FHIP1B: variants seen among roughly 807,000 people sequenced by gnomAD.
FHIP1B encodes the protein FHF complex subunit HOOK interacting protein 1B.
In FHIP1B, 28 loss-of-function variants were observed where a neutral mutation model predicts 82.2. The ratio of observed to expected loss-of-function variants is 0.34; its 90% CI spans 0.25 to 0.47. FHIP1B has a LOEUF of 0.47. FHIP1B is among the 20% of genes least tolerant of loss of function. The probability of loss-of-function intolerance (pLI) is 1.00; values close to 1 mark genes in which losing one functional copy is unlikely to be tolerated. For missense variants in FHIP1B, 1,110 were observed against 1,262.6 expected, an observed-to-expected ratio of 0.88 and a Z score of 1.83; for synonymous variants, 585 against 516.1, an observed-to-expected ratio of 1.13 and a Z score of -1.81.
At position 6,224,592 on chromosome 11, in the gene FHIP1B, T is replaced by A; in HGVS notation, c.-76A>T. 6.8e-7 allele frequency: 1 copy of A among 1,473,244 alleles called. No individual in the cohort carries two copies. Among genetic ancestry groups the A allele is most frequent in the Non-Finnish European group, 9.1e-7 (1 of 1,097,246 alleles). The allele number at this position is 1,473,244 out of a possible 1,614,324, so 91.3% of individuals were successfully genotyped here. ...GCCAGCTGGAGGTTTTCTCCACTTG[T>A]GTCTCCAGTCTGCTTCATCCGGTCT... is the stretch of plus-strand genomic sequence containing the variant. On this transcript the variant is annotated 5_prime_UTR_variant, in exon 2 of 12. Transcript: ENST00000449352.
At chr11:6,228,258 G>T (rs1298497136) in intron 1 of FHIP1B, among the ~76,000 whole-genome samples, 1 of 152,130 alleles carries the variant, frequency 6.6e-6, no homozygotes, top group African/African-American at 2.4e-5. Context: ...GCTAAGGCAG[G>T]AGAATCGCTT....
chr11:6,229,820 A>C (rs1017639207), intron 1 of FHIP1B, among the ~76,000 whole-genome samples: 4 of 152,150 alleles, frequency 2.6e-5, no homozygotes, highest in Non-Finnish European at 5.9e-5. Context: ...CCAATACTTA[A>C]ACTGGGCCCT....
chr11:6,231,901 C>T (rs569914530), intron 1 of FHIP1B, among the ~76,000 whole-genome samples: 2 of 152,196 alleles, frequency 1.3e-5, no homozygotes, highest in Non-Finnish European at 2.9e-5. Flanking sequence ...CCCTTGAGAG[C>T]TCGGATGACC....
chr11:6,222,882 C>A lies in FHIP1B; in HGVS notation c.952G>T (p.Val318Leu). Residue 318 changes from valine to leucine, a missense_variant, in exon 5 of 12, where the codon GTG becomes TTG. Val to Leu is a conservative substitution (Grantham distance 32). Transcript: ENST00000449352. ...NAVIQVAHPLVQKQLVDYIHN... is the reference protein window; with the variant it reads ...NAVIQVAHPLLQKQLVDYIHN... ...ATATAATCAACCAACTGCTTCTGCA[C>A]CAGGGGGTGAGCCACCTGTAGGAGT... 1 of 1,614,106 alleles carries A rather than the reference C, an allele frequency of 6.2e-7. No individual in the cohort carries two copies.
intron 9 of FHIP1B, among the ~76,000 whole-genome samples, chr11:6,216,368 G>A (rs1847226446): frequency 6.6e-6 from 1 of 152,234 alleles, no homozygotes. Context: ...AATCTGCTAT[G>A]TACCCAGAGA....
rs780536778 is a variant in FHIP1B, at chr11:6,211,505, G to A, written c.*1C>T. The A allele has an allele frequency of 1.3e-6, 2 of 1,582,006 alleles. No individual in the cohort carries two copies. The highest frequency in any genetic ancestry group is 1.7e-6 in the Non-Finnish European group (2 of 1,166,942). ...TGGCCCTGATTGTCCATGGAAGAAAGTTAAGGATTGAGGGGCCCACAGCCT... is the reference window on the plus strand; with the variant it reads ...TGGCCCTGATTGTCCATGGAAGAAAATTAAGGATTGAGGGGCCCACAGCCT... On this transcript the variant is annotated 3_prime_UTR_variant, in exon 12 of 12. Transcript: ENST00000449352.
Position 6,214,483 on chromosome 11 carries a change from T to G in FHIP1B, c.2485A>C (p.Ile829Leu). 1 of 1,614,182 alleles carries G rather than the reference T, an allele frequency of 6.2e-7. No homozygotes were observed. The highest frequency in any genetic ancestry group is 8.5e-7 in the Non-Finnish European group (1 of 1,180,034). The change falls in exon 11 of 12, where the codon ATT (isoleucine) becomes CTT (leucine). Residue 829 changes from isoleucine (I) to leucine (L), a missense_variant. Coordinates refer to ENST00000449352, the MANE Select transcript of FHIP1B (RefSeq NM_001098794.2). The part of the protein sequence containing the change: ...ALLSKAKKYL[I>L]ARGKLDWAEG... ...GCCCAGTCCAACTTGCCACGGGCAA[T>G]GAGGTACTTCTTGGCTTTGGACAGC...
chr11:6,218,925 T>C, intron 7 of FHIP1B, 46 bp downstream of exon 7: 1 of 1,603,544 alleles, frequency 6.2e-7, no homozygotes, highest in Non-Finnish European at 8.5e-7. Context: ...CATAAGACTC[T>C]GAGGCTTCAG....
At position 6,223,747 on chromosome 11, in the gene FHIP1B, A is replaced by G; in HGVS notation, c.640T>C (p.Ser214Pro). Reference protein sequence around the residue: ...PGAAPRLLLFSRLVPFVHREG... With the variant: ...PGAAPRLLLFPRLVPFVHREG... ...CGATGCACAAAAGGGACAAGGCGAG[A>G]AAAGAGAAGAAGACGGGGAGCGGCT... Residue 214 changes from serine to proline, a missense_variant, in exon 3 of 12, where the codon TCT becomes CCT. Around this residue, in one of 6 missense-constraint regions of FHIP1B, gnomAD observed 467 missense variants for 602.9 expected, o/e 0.77. Transcript: ENST00000449352. This position sits in a 1 kb window ranked among gnomAD's most constrained non-coding sequence, Gnocchi z 4.8. 2 of 1,614,226 alleles carry G rather than the reference A, an allele frequency of 1.2e-6. No individual in the cohort carries two copies. Among genetic ancestry groups the G allele is most frequent in the Non-Finnish European group, 1.7e-6 (2 of 1,180,034 alleles).
At chr11:6,216,689 T>G in intron 9 of FHIP1B, 1 of 207,450 alleles carries the variant, frequency 4.8e-6, no homozygotes, top group East Asian at 1.2e-4. Flanking sequence ...AGAGTCCAAA[T>G]GAACTCAGTC....
intron 9 of FHIP1B, chr11:6,217,150 T>G (rs760800796): frequency 2.8e-6 from 2 of 704,146 alleles, no homozygotes; most frequent in African/African-American, 3.5e-5. Flanking sequence ...GGCTCAGATG[T>G]AAGTCAATAC....
At chr11:6,211,912 C>T in intron 11 of FHIP1B, 45 bp from the exon 12 acceptor site, 1 of 1,511,384 alleles carries the variant, frequency 6.6e-7, no homozygotes, top group Non-Finnish European at 8.8e-7. Flanking sequence ...GATCAGGGAA[C>T]CTCCCTTGGA....
chr11:6,214,739 C>T lies in FHIP1B; in HGVS notation c.2388G>A (p.Leu796=). The T allele has an allele frequency of 6.3e-7, 1 of 1,575,972 alleles. No individual in the cohort carries two copies. The highest frequency in any genetic ancestry group is 8.6e-7 in the Non-Finnish European group (1 of 1,157,758). ...GCATGCATGCATCGCACACCTGCAG[C>T]AGGGACTTGACACTGGGCTGGAAGA... ...NMVFQPSVKS[L]LQVLGSVKNK... Residue 796 remains leucine, a synonymous_variant, in exon 10 of 12, where the codon CTG becomes CTA. Coordinates refer to ENST00000449352, the MANE Select transcript of FHIP1B (RefSeq NM_001098794.2).
intron 1 of FHIP1B, among the ~76,000 whole-genome samples, chr11:6,230,441 A>G (rs1292728376): frequency 6.6e-6 from 1 of 152,236 alleles, no homozygotes; most frequent in Non-Finnish European, 1.5e-5. Context: ...TCATAGAAAT[A>G]CAAAGGGAAA....
chr11:6,218,921 ACT>A, intron 7 of FHIP1B, 48 bp downstream of exon 7: 23 of 1,598,750 alleles, frequency 1.4e-5, no homozygotes, highest in Non-Finnish European at 1.9e-5. Context: ...AATGCATAAG[ACT>A]CTGAGGCTTC....
rs769146374 is a variant in FHIP1B at position 6,224,360 on chromosome 11, T to A, written c.138+19A>T. 4.3e-6 allele frequency: 7 copies of A among 1,614,102 alleles called. No homozygotes were observed. The African/African-American group carries it at 9.3e-5, about 22-fold the overall frequency. ...TCAGGTGATCAGCAGACAAGGCCCTTTGCCATACAGTCTCCTACCTGGGAC... is the reference window on the plus strand; with the variant it reads ...TCAGGTGATCAGCAGACAAGGCCCTATGCCATACAGTCTCCTACCTGGGAC... On this transcript the variant is annotated intron_variant, in intron 2 of 11. Transcript: ENST00000449352.
Position 6,217,699 on chromosome 11 carries a change from G to A in FHIP1B, c.1887C>T (p.His629=), listed in dbSNP as rs1157769101. The A allele has an allele frequency of 1.2e-6, 2 of 1,613,118 alleles. No homozygotes were observed. The highest frequency in any genetic ancestry group is 1.7e-6 in the Non-Finnish European group (2 of 1,179,668). ...RAGGAGEGPG[H]LPPPQLNGVP... is the part of the protein sequence containing the mutation. ...CTCCATTGAGCTGGGGAGGGGGCAG[G>A]TGACCAGGGCCCTCCCCTGCACCCC... Residue 629 remains histidine, a synonymous_variant, in exon 9 of 12, where the codon CAC becomes CAT. Coordinates refer to ENST00000449352, the MANE Select transcript of FHIP1B (RefSeq NM_001098794.2).
Position 6,214,917 on chromosome 11 carries a change from T to G in FHIP1B, c.2216-6A>C, listed in dbSNP as rs766177002. On this transcript the variant is annotated splice_region_variant and splice_polypyrimidine_tract_variant and intron_variant, in intron 9 of 11. Transcript: ENST00000449352. ...GAGCACAGCCATGAAGGGGCCTGGG[T>G]TGGGGGGGAGGTGGGCACAAGGATA... The G allele has an allele frequency of 4.5e-6, 7 of 1,550,216 alleles. No homozygotes were observed. Among genetic ancestry groups the G allele is most frequent in the South Asian group, 2.4e-5 (2 of 82,502 alleles).
In FHIP1B at chr11:6,217,819, G is replaced by A. The variant is rs372679753; in HGVS notation, c.1767C>T (p.Gly589=). ...ERPSPEPSPF[G]SRTKKRSLLP... is the part of the protein sequence containing the mutation. The stretch of plus-strand genomic sequence containing the variant: ...GTAGGCTGCGTTTCTTAGTCCGGGA[G>A]CCAAAAGGACTGGGCTCAGGAGAGG... The change falls in exon 9 of 12, where the codon GGC becomes GGT. Residue 589 remains glycine (G), a synonymous_variant. Coordinates refer to ENST00000449352, the MANE Select transcript of FHIP1B (RefSeq NM_001098794.2). 4.3e-6 allele frequency: 7 copies of A among 1,613,304 alleles called. No homozygotes were observed. The African/African-American group carries it at 5.3e-5, about 12-fold the overall frequency.
Sources: allele counts gnomAD v4.1 joint callset (sites outside exome capture counted in the v4.1 genomes callset), GRCh38; gene constraint gnomAD v4.1.1; regional missense constraint gnomAD v4.1.1; non-coding constraint Gnocchi (gnomAD v3.1); transcripts MANE v1.5; gene names NCBI Gene and HGNC (gene_info 2026-07-23, HGNC 2026-07-21).